The following NEURL2 variants were observed in gnomAD, a reference collection of about 807,000 sequenced individuals.
NEURL2 encodes neuralized-like protein 2.
In NEURL2, 16 loss-of-function variants were observed where a neutral mutation model predicts 15.9. The ratio of observed to expected loss-of-function variants is 1.01; its 90% CI spans 0.68 to 1.53. NEURL2 has a LOEUF of 1.53. Among genes scored for constraint, NEURL2 ranks in the 40% most tolerant of loss-of-function variants. The probability of loss-of-function intolerance (pLI) is 0.00; values close to 1 mark genes in which losing one functional copy is unlikely to be tolerated. For synonymous variants in NEURL2, 188 were observed against 178.3 expected, an observed-to-expected ratio of 1.05 and a Z score of -0.43; for missense variants, 393 against 407.8, an observed-to-expected ratio of 0.96 and a Z score of 0.31.
Position 45,890,888 on chromosome 20 carries a change from C to T in NEURL2, c.104G>A (p.Arg35His), listed in dbSNP as rs770767572. 6 of 1,565,960 alleles carry T rather than the reference C, an allele frequency of 3.8e-6. No individual in the cohort carries two copies. The South Asian group carries it at 5.8e-5, about 15-fold the overall frequency. Residue 35 changes from arginine to histidine, a missense_variant, in exon 1 of 2, where the codon CGC becomes CAC. By Grantham distance (29) the Arg-to-His change is conservative (BLOSUM62 0). Coordinates refer to ENST00000372518, the MANE Select transcript of NEURL2 (RefSeq NM_080749.4). ...RFHRVHGANI[R>H]VDPSGTRATR... The stretch of plus-strand genomic sequence containing the variant: ...GGCCCGCGTCCCAGAGGGGTCCACG[C>T]GGATGTTGGCACCGTGCACCCGATG...
In NEURL2 at chr20:45,890,904, G is replaced by A; in HGVS notation, c.88C>T (p.His30Tyr). 2 of 1,555,588 alleles carry A rather than the reference G, an allele frequency of 1.3e-6. No individual in the cohort carries two copies. Among genetic ancestry groups the A allele is most frequent in the Non-Finnish European group, 1.7e-6 (2 of 1,149,276 alleles). The change falls in exon 1 of 2, where the codon CAC becomes TAC. Residue 30 changes from histidine (H) to tyrosine (Y), a missense_variant. Transcript: ENST00000372518. ...GGGTCCACGCGGATGTTGGCACCGT[G>A]CACCCGATGGAAGCGGGTGGGAGGG... ...EPPPTRFHRVHGANIRVDPSG... is the reference protein window; with the variant it reads ...EPPPTRFHRVYGANIRVDPSG...
At position 45,890,915 on chromosome 20, in the gene NEURL2, AAGCGGGTGGGAGGGGGCTCCGGGCGCTCG is replaced by A; in HGVS notation, c.48_76del (p.Glu17ProfsTer124). The A allele has an allele frequency of 6.5e-7, 1 of 1,547,780 alleles. No homozygotes were observed. The highest frequency in any genetic ancestry group is 2.0e-5 in the Admixed American group (1 of 49,918). ...GATGTTGGCACCGTGCACCCGATGG[AAGCGGGTGGGAGGGGGCTCCGGGCGCTCG>A]AGTCCCCAGAGTGCACCCGAATCCA... On this transcript the variant is annotated frameshift_variant, in exon 1 of 2. Coordinates refer to ENST00000372518, the MANE Select transcript of NEURL2 (RefSeq NM_080749.4). LOFTEE classifies it high-confidence loss of function.
chr20:45,891,059 G>C lies in NEURL2; in HGVS notation c.-68C>G. 1 of 1,408,776 alleles carries C rather than the reference G, an allele frequency of 7.1e-7. No homozygotes were observed. Among genetic ancestry groups the C allele is most frequent in the South Asian group, 1.5e-5 (1 of 67,976 alleles). The allele number at this position is 1,408,776 out of a possible 1,614,324, so 87.3% of individuals were successfully genotyped here. ...TGGGCGGCGGGCAATGATGGTGACC[G>C]CAAGGCGACCTTGTAAGGCATTTCC... On this transcript the variant is annotated 5_prime_UTR_variant, in exon 1 of 2. Coordinates refer to ENST00000372518, the MANE Select transcript of NEURL2 (RefSeq NM_080749.4). This position sits in a 1 kb window ranked among gnomAD's most constrained non-coding sequence, Gnocchi z 4.6.
rs1568760498 is a variant in NEURL2, at chr20:45,891,204, T to C, written c.-213A>G. 1 of 1,110,810 alleles carries C rather than the reference T, an allele frequency of 9.0e-7. No homozygotes were observed. Among genetic ancestry groups the C allele is most frequent in the Non-Finnish European group, 1.3e-6 (1 of 754,178 alleles). 68.8% of individuals were successfully genotyped at this position (1,110,810 alleles called of 1,614,324 possible). On this transcript the variant is annotated 5_prime_UTR_variant, in exon 1 of 2. Coordinates refer to ENST00000372518, the MANE Select transcript of NEURL2 (RefSeq NM_080749.4). The surrounding 1 kb of genome is among the most constrained non-coding windows in gnomAD (Gnocchi z 4.6). ...CTGATCGCGTGCGCCCGGGCTACGATCTGCGAGGCCCGCGGACCTTGACCC... is the reference window on the plus strand; with the variant it reads ...CTGATCGCGTGCGCCCGGGCTACGACCTGCGAGGCCCGCGGACCTTGACCC...
Position 45,890,768 on chromosome 20 carries a change from A to C in NEURL2, c.224T>G (p.Leu75Arg), listed in dbSNP as rs370766713. 6.2e-7 allele frequency: 1 copy of C among 1,610,874 alleles called. No homozygotes were observed. The highest frequency in any genetic ancestry group is 8.5e-7 in the Non-Finnish European group (1 of 1,178,400). ...VFLVEIEEKE[L>R]GWCGHLRLGL... Reference sequence around the variant, plus strand: ...GAGACGCAGATGTCCGCACCAGCCCAGCTCTTTCTCCTCGATCTCGACCAG... The same window carrying C: ...GAGACGCAGATGTCCGCACCAGCCCCGCTCTTTCTCCTCGATCTCGACCAG... Residue 75 changes from leucine to arginine, a missense_variant, in exon 1 of 2, where the codon CTG becomes CGG. Physicochemically the swap from Leu to Arg is moderately radical, Grantham distance 102. Transcript: ENST00000372518.
rs577241918 is a variant in NEURL2 at position 45,890,354 on chromosome 20, A to C, written c.638T>G (p.Met213Arg). The change falls in exon 1 of 2, where the codon ATG becomes AGG. Residue 213 changes from methionine to arginine, a missense_variant. Met to Arg is a moderately conservative substitution (Grantham distance 91). Transcript: ENST00000372518. ...TGGCAGTCCCCGGGCGCTCGGGCCC[A>C]TGTCCTCGCCGTTGATGATGATGTG... ...DMHIIINGED[M>R]GPSARGLPAA... 1.2e-5 allele frequency: 20 copies of C among 1,612,738 alleles called. No individual in the cohort carries two copies. Among genetic ancestry groups the C allele is most frequent in the South Asian group, 8.8e-5 (8 of 91,052 alleles).
rs1351226385 is a variant in NEURL2 at position 45,890,353 on chromosome 20, C to T, written c.639G>A (p.Met213Ile). 5 of 1,612,886 alleles carry T rather than the reference C, an allele frequency of 3.1e-6. No individual in the cohort carries two copies. Among genetic ancestry groups the T allele is most frequent in the Non-Finnish European group, 4.2e-6 (5 of 1,180,016 alleles). ...CTGGCAGTCCCCGGGCGCTCGGGCC[C>T]ATGTCCTCGCCGTTGATGATGATGT... is the stretch of plus-strand genomic sequence containing the variant. ...DMHIIINGED[M>I]GPSARGLPAA... Residue 213 changes from methionine (M) to isoleucine (I), a missense_variant, in exon 1 of 2, where the codon ATG becomes ATA. Transcript: ENST00000372518.
intron 1 of NEURL2, 89 bp from the exon 2 acceptor site, chr20:45,888,962 T>C: frequency 6.8e-7 from 1 of 1,479,156 alleles, no homozygotes; most frequent in South Asian, 1.2e-5. Flanking sequence ...GTCCCCACTT[T>C]GTCATTAAAT....
intron 1 of NEURL2, chr20:45,890,027 G>T (rs754421291): frequency 1.5e-5 from 9 of 589,054 alleles, no homozygotes; most frequent in Non-Finnish European, 2.7e-5. Context: ...AACTAAAAGG[G>T]AACTTGTAGG....
rs773090786 is a variant in NEURL2 at position 45,890,326 on chromosome 20, A to AG, written c.665dup (p.Ala223CysfsTer48). On this transcript the variant is annotated frameshift_variant, in exon 1 of 2. Coordinates refer to ENST00000372518, the MANE Select transcript of NEURL2 (RefSeq NM_080749.4). LOFTEE classifies it high-confidence loss of function. ...CCACCACCGCGTAGAGGGGCTGCGCAGCTGGCAGTCCCCGGGCGCTCGGGC... is the reference window on the plus strand; with the variant it reads ...CCACCACCGCGTAGAGGGGCTGCGCAGGCTGGCAGTCCCCGGGCGCTCGGGC... 2.5e-6 allele frequency: 4 copies of AG among 1,613,278 alleles called. No homozygotes were observed. In the Admixed American group the frequency reaches 6.7e-5, roughly 27 times the overall value.
In NEURL2 at chr20:45,890,854, C is replaced by T; in HGVS notation, c.138G>A (p.Val46=). The part of the protein sequence containing the change: ...VDPSGTRATR[V]ESFAHGVCFS... ...AGCACACGCCGTGGGCGAAGCTCTCCACGCGTGTGGCCCGCGTCCCAGAGG... is the reference window on the plus strand; with the variant it reads ...AGCACACGCCGTGGGCGAAGCTCTCTACGCGTGTGGCCCGCGTCCCAGAGG... The change falls in exon 1 of 2, where the codon GTG becomes GTA. Residue 46 remains valine, a synonymous_variant. Coordinates refer to ENST00000372518, the MANE Select transcript of NEURL2 (RefSeq NM_080749.4). 1 of 1,570,446 alleles carries T rather than the reference C, an allele frequency of 6.4e-7. No individual in the cohort carries two copies.
chr20:45,890,168 G>C (rs867317454), intron 1 of NEURL2, 82 bp downstream of exon 1: 141 of 1,491,876 alleles, frequency 9.5e-5, no homozygotes, highest in Middle Eastern at 1.7e-4. Flanking sequence ...ACAGACGAAG[G>C]CCTAGCACAT....
Position 45,890,308 on chromosome 20 carries a change from C to G in NEURL2, c.684G>C (p.Ala228=), listed in dbSNP as rs752391348. ...RGLPAAQPLY[A]VVDVFASTKS... ...TTGTGGAAGCAAACACGTCCACCAC[C>G]GCGTAGAGGGGCTGCGCAGCTGGCA... Residue 228 remains alanine, a synonymous_variant, in exon 1 of 2, where the codon GCG becomes GCC. Transcript: ENST00000372518. 3.3e-5 allele frequency: 54 copies of G among 1,613,358 alleles called. No homozygotes were observed. Among genetic ancestry groups the G allele is most frequent in the Non-Finnish European group, 4.0e-5 (47 of 1,180,038 alleles).
chr20:45,891,005 G>A lies in NEURL2; in HGVS notation c.-14C>T, dbSNP rs745629979. 4.1e-6 allele frequency: 6 copies of A among 1,471,126 alleles called. No homozygotes were observed. The highest frequency in any genetic ancestry group is 5.4e-6 in the Non-Finnish European group (6 of 1,111,190). The allele number at this position is 1,471,126 out of a possible 1,614,324, so 91.1% of individuals were successfully genotyped here. On this transcript the variant is annotated 5_prime_UTR_variant, in exon 1 of 2. Coordinates refer to ENST00000372518, the MANE Select transcript of NEURL2 (RefSeq NM_080749.4). This position sits in a 1 kb window ranked among gnomAD's most constrained non-coding sequence, Gnocchi z 4.6. Reference sequence around the variant, plus strand: ...GGCAGCAGCCATCTCTCGGCCATAGGGCAGGCCAGCTGGCGCCGGGGGCTA... The same window carrying A: ...GGCAGCAGCCATCTCTCGGCCATAGAGCAGGCCAGCTGGCGCCGGGGGCTA...
rs764757463 is a variant in NEURL2, at chr20:45,890,278, G to C, written c.714C>G (p.Ser238Arg). Residue 238 changes from serine to arginine, a missense_variant, in exon 1 of 2, where the codon AGC (serine) becomes AGG (arginine). Physicochemically the swap from Ser to Arg is moderately radical, Grantham distance 110. Coordinates refer to ENST00000372518, the MANE Select transcript of NEURL2 (RefSeq NM_080749.4). ...AVVDVFASTK[S>R]VRLVQLEYGL... is the part of the protein sequence containing the mutation. ...CATACTCGAGCTGGACAAGGCGCAC[G>C]CTCTTTGTGGAAGCAAACACGTCCA... 6.2e-7 allele frequency: 1 copy of C among 1,613,572 alleles called. No individual in the cohort carries two copies. The highest frequency in any genetic ancestry group is 1.7e-5 in the Admixed American group (1 of 60,008).
rs1198528368 is a variant in NEURL2, at chr20:45,890,836, G to A, written c.156C>T (p.Gly52=). Residue 52 remains glycine (G), a synonymous_variant, in exon 1 of 2, where the codon GGC becomes GGT. Transcript: ENST00000372518. ...RATRVESFAH[G]VCFSREPLAP... ...CCAGCGGCTCGCGGCTGAAGCACAC[G>A]CCGTGGGCGAAGCTCTCCACGCGTG... The A allele has an allele frequency of 6.4e-7, 1 of 1,567,832 alleles. No individual in the cohort carries two copies. The highest frequency in any genetic ancestry group is 8.6e-7 in the Non-Finnish European group (1 of 1,156,806).
chr20:45,890,735 G>C lies in NEURL2; in HGVS notation c.257C>G (p.Thr86Ser). ...GWCGHLRLGL[T>S]ALDPASLAPV... is the part of the protein sequence containing the mutation. The stretch of plus-strand genomic sequence containing the variant: ...GGCCAGACTGGCGGGGTCCAGCGCG[G>C]TCAGACCGAGACGCAGATGTCCGCA... Residue 86 changes from threonine (T) to serine (S), a missense_variant, in exon 1 of 2, where the codon ACC (threonine) becomes AGC (serine). Thr to Ser is a moderately conservative substitution (Grantham distance 58, BLOSUM62 1). Transcript: ENST00000372518. 5 of 1,613,318 alleles carry C rather than the reference G, an allele frequency of 3.1e-6. No homozygotes were observed. The highest frequency in any genetic ancestry group is 4.2e-6 in the Non-Finnish European group (5 of 1,179,830).
Position 45,891,034 on chromosome 20 carries a change from T to C in NEURL2, c.-43A>G, listed in dbSNP as rs554749359. ...GGCCAGCTGGCGCCGGGGGCTATTT[T>C]GGGCGGCGGGCAATGATGGTGACCG... On this transcript the variant is annotated 5_prime_UTR_variant, in exon 1 of 2. Transcript: ENST00000372518. The surrounding 1 kb of genome is among the most constrained non-coding windows in gnomAD (Gnocchi z 4.6). 2.6e-4 allele frequency: 375 copies of C among 1,451,812 alleles called. 1 individual carries two copies. In the African/African-American group the frequency reaches 5.0e-3, roughly 20 times the overall value. 89.9% of individuals were successfully genotyped at this position (1,451,812 alleles called of 1,614,324 possible). A position where few individuals can be genotyped will look rare whatever the true frequency, so the allele number is the denominator to read the frequency against.
At chr20:45,889,869 C>T (rs924541330) in intron 1 of NEURL2, among the ~76,000 whole-genome samples, 1 of 152,206 alleles carries the variant, frequency 6.6e-6, no homozygotes, top group Non-Finnish European at 1.5e-5. Context: ...CTGCCTCCCC[C>T]TCCCAAAGTG....
Sources: gnomAD v4.1 joint callset for allele counts (sites outside exome capture counted in the v4.1 genomes callset) on GRCh38, gnomAD v4.1.1 for gene constraint, Gnocchi (gnomAD v3.1) non-coding constraint, MANE v1.5 for transcripts, NCBI Gene and HGNC (gene_info 2026-07-23, HGNC 2026-07-21) for gene names.